Variants in RBM19 observed in about 807,000 individuals in gnomAD.
The protein encoded by RBM19 is probable RNA-binding protein 19.
Under a neutral mutation model 116.8 loss-of-function variants are expected in RBM19, and 94 were observed. The ratio of observed to expected loss-of-function variants is 0.80; its 90% CI spans 0.68 to 0.95. The LOEUF (loss-of-function observed/expected upper bound fraction) is 0.95. RBM19 is among the 40% of genes least tolerant of loss of function. The probability of loss-of-function intolerance (pLI) is 0.00; values close to 1 mark genes in which losing one functional copy is unlikely to be tolerated. For synonymous variants in RBM19, 475 were observed against 494.1 expected, an observed-to-expected ratio of 0.96 and a Z score of 0.51; for missense variants, 1,161 against 1,220.7, an observed-to-expected ratio of 0.95 and a Z score of 0.73.
chr12:113,844,930 T>C, intron 22 of RBM19, 142 bp from the exon 23 acceptor site: 2 of 1,235,932 alleles, frequency 1.6e-6, no homozygotes, highest in Middle Eastern at 2.7e-4. Context: ...CAGCGAGGGT[T>C]TGGGGAGCGG....
intron 21 of RBM19, among the ~76,000 whole-genome samples, chr12:113,868,402 T>A (rs1310733593): frequency 6.6e-6 from 1 of 152,222 alleles, no homozygotes; most frequent in African/African-American, 2.4e-5. Context: ...GTTTTAAAAA[T>A]CAGAGATAAC....
intron 22 of RBM19, 143 bp from the exon 23 acceptor site, chr12:113,844,931 TG>T: frequency 8.2e-7 from 1 of 1,218,660 alleles, no homozygotes. Flanking sequence ...AGCGAGGGTT[TG>T]GGGAGCGGTT....
At position 113,856,718 on chromosome 12, in the gene RBM19, G is replaced by C. The variant is rs576902702; in HGVS notation, c.2664+2073C>G. 3.9e-5 allele frequency among the ~76,000 whole-genome samples: 6 copies of C among 152,238 alleles called. No homozygotes were observed. The South Asian group carries it at 1.2e-3, about 32-fold the overall frequency. ...CCAGTGGGTGGCCAAATAAGAAGGG[G>C]AACACCCTTTCTTATTTCAGACCAT... On this transcript the variant is annotated intron_variant, in intron 22 of 23. Coordinates refer to ENST00000261741, the MANE Select transcript of RBM19 (RefSeq NM_016196.4).
At chr12:113,862,698 C>T (rs977455126) in intron 21 of RBM19, among the ~76,000 whole-genome samples, 3 of 152,064 alleles carry the variant, frequency 2.0e-5, no homozygotes, top group Non-Finnish European at 4.4e-5. Context: ...ACAGGGCACC[C>T]AGGAACTCCT....
rs1189959702 is a variant in RBM19 at position 113,822,860 on chromosome 12, C to T, written c.*364G>A. ...AGCCTGATGCCAGAGAGCTGGCCCT[C>T]GTCCCCTTACTCTCCTGGGGTGGGG... On this transcript the variant is annotated 3_prime_UTR_variant, in exon 24 of 24. Coordinates refer to ENST00000261741, the MANE Select transcript of RBM19 (RefSeq NM_016196.4). 3.4e-5 allele frequency: 6 copies of T among 177,682 alleles called. No homozygotes were observed. The highest frequency in any genetic ancestry group is 1.6e-4 in the East Asian group (1 of 6,142). The allele number at this position is 177,682 out of a possible 1,614,324, so 11.0% of individuals were successfully genotyped here.
intron 21 of RBM19, among the ~76,000 whole-genome samples, chr12:113,909,558 G>A (rs555651138): frequency 4.4e-4 from 67 of 152,278 alleles, no homozygotes; most frequent in African/African-American, 1.5e-3. Flanking sequence ...ACCACCTGTC[G>A]GTAAAAAGGA....
chr12:113,843,681 G>A (rs934935949), intron 23 of RBM19, among the ~76,000 whole-genome samples: 1 of 152,200 alleles, frequency 6.6e-6, no homozygotes, highest in Non-Finnish European at 1.5e-5. Flanking sequence ...AGTACCCCTT[G>A]ATATCCCAAG....
intron 6 of RBM19, among the ~76,000 whole-genome samples, chr12:113,956,725 C>T (rs138368596): frequency 0.014 from 2,063 of 152,140 alleles, 15 homozygotes; most frequent in South Asian, 0.023. Flanking sequence ...ACGAGTTGGC[C>T]GACCTCTGGG....
At chr12:113,943,413 G>A (rs1870743785) in intron 13 of RBM19, among the ~76,000 whole-genome samples, 1 of 152,110 alleles carries the variant, frequency 6.6e-6, no homozygotes, top group Non-Finnish European at 1.5e-5. Flanking sequence ...TATGTGAAAT[G>A]CAACGCGACA....
intron 7 of RBM19, among the ~76,000 whole-genome samples, chr12:113,954,835 TTAAA>T (rs1415285331): frequency 6.6e-6 from 1 of 152,124 alleles, no homozygotes; most frequent in African/African-American, 2.4e-5. Context: ...TCACGAAGTC[TTAAA>T]TATTAACTGG....
chr12:113,862,043 A>G lies in RBM19; in HGVS notation c.2559-3147T>C, dbSNP rs372287811. On this transcript the variant is annotated intron_variant, in intron 21 of 23. Transcript: ENST00000261741. The stretch of plus-strand genomic sequence containing the variant: ...CCTCCTTCTAAGAACAGGACATGAG[A>G]GAACTGAAGCTTAAGGAGGAGCTGA... Among the ~76,000 whole-genome samples, 11 of 152,342 alleles carry G rather than the reference A, an allele frequency of 7.2e-5. No individual in the cohort carries two copies. In the South Asian group the frequency reaches 1.2e-3, roughly 17 times the overall value.
At chr12:113,962,908 G>T (rs1164345598) in intron 1 of RBM19, among the ~76,000 whole-genome samples, 3 of 152,162 alleles carry the variant, frequency 2.0e-5, no homozygotes, top group African/African-American at 7.2e-5. Context: ...ATGGAGATGG[G>T]GAGATGATCT....
chr12:113,880,959 TG>T (rs1446014065), intron 21 of RBM19, among the ~76,000 whole-genome samples: 5 of 152,286 alleles, frequency 3.3e-5, no homozygotes, highest in Admixed American at 3.3e-4. Context: ...AAAACACTGC[TG>T]TCATCAAATG....
intron 21 of RBM19, among the ~76,000 whole-genome samples, chr12:113,891,385 T>A (rs1880954221): frequency 6.6e-6 from 1 of 152,086 alleles, no homozygotes. Context: ...GTACAAAGAG[T>A]GTGGTCAGCA....
intron 21 of RBM19, among the ~76,000 whole-genome samples, chr12:113,910,120 C>T (rs1402032372): frequency 6.6e-6 from 1 of 152,196 alleles, no homozygotes; most frequent in Non-Finnish European, 1.5e-5. Context: ...AGGTCTGAAA[C>T]GCGCTCCTTA....
intron 21 of RBM19, among the ~76,000 whole-genome samples, chr12:113,885,867 C>CTT (rs1004711498): frequency 2.5e-4 from 31 of 125,266 alleles, no homozygotes; most frequent in African/African-American, 3.5e-4. Context: ...TCAGCTTTGC[C>CTT]TTTTTTTTTT....
intron 21 of RBM19, among the ~76,000 whole-genome samples, chr12:113,878,869 T>G (rs1879872772): frequency 2.9e-5 from 4 of 139,996 alleles, no homozygotes; most frequent in South Asian, 2.3e-4. Flanking sequence ...AGGGTGAGAT[T>G]GGGGGAGGAG....
At chr12:113,861,265 C>T (rs892623533) in intron 21 of RBM19, among the ~76,000 whole-genome samples, 2 of 152,126 alleles carry the variant, frequency 1.3e-5, no homozygotes, top group Non-Finnish European at 1.5e-5. Flanking sequence ...GCAGGAAGGC[C>T]CCATACGGGG....
In RBM19 at chr12:113,957,261, C is replaced by T. The variant is rs143527784; in HGVS notation, c.840+521G>A. Among the ~76,000 whole-genome samples, 856 of 152,252 alleles carry T rather than the reference C, an allele frequency of 5.6e-3. 3 individuals carry two copies. The highest frequency in any genetic ancestry group is 9.9e-3 in the Non-Finnish European group (676 of 68,026). ...AGGCAATTTCTGGAAGGCAGGTGACCTCTCCAGGTTAGCAACAGAAAATAA... is the reference window on the plus strand; with the variant it reads ...AGGCAATTTCTGGAAGGCAGGTGACTTCTCCAGGTTAGCAACAGAAAATAA... On this transcript the variant is annotated intron_variant, in intron 6 of 23. Coordinates refer to ENST00000261741, the MANE Select transcript of RBM19 (RefSeq NM_016196.4).
Sources: allele counts gnomAD v4.1 joint callset (sites outside exome capture counted in the v4.1 genomes callset), GRCh38; gene constraint gnomAD v4.1.1; transcripts MANE v1.5; gene names NCBI Gene and HGNC (gene_info 2026-07-23, HGNC 2026-07-21).